TAFA4: variants seen among roughly 807,000 people sequenced by gnomAD.
TAFA4 encodes TAFA chemokine like family member 4, also known as chemokine-like protein TAFA-4.
A neutral mutation model predicts 21.1 loss-of-function variants in TAFA4; 20 were observed. The ratio of observed to expected loss-of-function variants is 0.95; its 90% confidence interval spans 0.67 to 1.38. The LOEUF is 1.38. TAFA4 is among the 40% of genes most tolerant of loss of function. TAFA4 has a pLI of 0.00. For synonymous variants in TAFA4, 71 were observed against 67.4 expected (o/e 1.05, Z -0.26); for missense variants, 211 against 180.9 (o/e 1.17, Z -0.95).
Position 68,924,953 on chromosome 3 carries a change from C to G in TAFA4, c.-123+7287G>C, listed in dbSNP as rs2090093658. ...CAATGAGCTTTCTAAATCTCCTCAG[C>G]TGCATATCAGCACCTAAGCTTTGAG... On this transcript the variant is annotated intron_variant, in intron 1 of 5. Coordinates refer to ENST00000295569, the MANE Select transcript of TAFA4 (RefSeq NM_182522.5). 3.9e-5 allele frequency among the ~76,000 whole-genome samples: 6 copies of G among 152,288 alleles called. No individual in the cohort carries two copies. In the South Asian group the frequency reaches 1.2e-3, roughly 32 times the overall value.
At chr3:68,910,290 C>G (rs970338674) in intron 1 of TAFA4, among the ~76,000 whole-genome samples, 4 of 152,172 alleles carry the variant, frequency 2.6e-5, no homozygotes, top group Non-Finnish European at 5.9e-5. Flanking sequence ...TAGGGGCCCA[C>G]CCTGGTATCT....
At chr3:68,910,202 G>A (rs1025310726) in intron 1 of TAFA4, among the ~76,000 whole-genome samples, 6 of 152,154 alleles carry the variant, frequency 3.9e-5, no homozygotes. Flanking sequence ...TATTCTATTG[G>A]TTAGAAGCAA....
At chr3:68,764,052 C>T (rs72925111) in intron 3 of TAFA4, among the ~76,000 whole-genome samples, 4,468 of 152,102 alleles carry the variant, frequency 0.029, 225 homozygotes, top group African/African-American at 0.1. Context: ...GTGTTATGAA[C>T]GGTACTGAAT....
Position 68,741,724 on chromosome 3 carries a change from G to A in TAFA4, c.287-2525C>T, listed in dbSNP as rs145980124. ...GGAGAATGGTGTGAACCCGGGAGGT[G>A]GAGCTTGCAGTGAGCTGAGATCACG... is the stretch of plus-strand genomic sequence containing the variant. On this transcript the variant is annotated intron_variant, in intron 4 of 5. Coordinates refer to ENST00000295569, the MANE Select transcript of TAFA4 (RefSeq NM_182522.5). 7.4e-3 allele frequency among the ~76,000 whole-genome samples: 1,132 copies of A among 152,178 alleles called. 14 individuals are homozygous for A. The highest frequency in any genetic ancestry group is 0.026 in the African/African-American group (1,098 of 41,506).
intron 4 of TAFA4, among the ~76,000 whole-genome samples, chr3:68,741,116 T>A (rs753539209): frequency 9.2e-5 from 14 of 152,312 alleles, no homozygotes; most frequent in Admixed American, 2.0e-4. Flanking sequence ...CAAAATTGCT[T>A]TAGCTATTTG....
At chr3:68,799,904 G>GC (rs1703537921) in intron 3 of TAFA4, among the ~76,000 whole-genome samples, 1 of 152,008 alleles carries the variant, frequency 6.6e-6, no homozygotes, top group Admixed American at 6.6e-5. Context: ...CCTGAGCTCC[G>GC]CCTCCTGTCA....
At chr3:68,776,425 G>A (rs1481284786) in intron 3 of TAFA4, among the ~76,000 whole-genome samples, 1 of 152,096 alleles carries the variant, frequency 6.6e-6, no homozygotes, top group Non-Finnish European at 1.5e-5. Context: ...GGATAAAGAG[G>A]AACATTTCAT....
intron 3 of TAFA4, among the ~76,000 whole-genome samples, chr3:68,812,639 T>C (rs997130860): frequency 1.3e-5 from 2 of 152,140 alleles, no homozygotes; most frequent in East Asian, 1.9e-4. Flanking sequence ...CCTAAATATA[T>C]ATGCACCCAA....
At chr3:68,871,472 A>T (rs2089482445) in intron 3 of TAFA4, among the ~76,000 whole-genome samples, 1 of 152,130 alleles carries the variant, frequency 6.6e-6, no homozygotes. Flanking sequence ...AAACTATGAA[A>T]CTATTAGAAG....
At chr3:68,890,316 C>A (rs2089717570) in intron 1 of TAFA4, among the ~76,000 whole-genome samples, 1 of 152,148 alleles carries the variant, frequency 6.6e-6, no homozygotes, top group South Asian at 2.1e-4. Context: ...ATGAACTTTT[C>A]ATTAAATTGG....
chr3:68,851,170 G>T (rs1045534886), intron 3 of TAFA4, among the ~76,000 whole-genome samples: 6 of 152,142 alleles, frequency 3.9e-5, no homozygotes, highest in African/African-American at 1.2e-4. Flanking sequence ...CTATAAAAAG[G>T]AATGAGATCA....
At chr3:68,894,844 G>GGTTTTGTTTT (rs371557807) in intron 1 of TAFA4, among the ~76,000 whole-genome samples, 2 of 151,896 alleles carry the variant, frequency 1.3e-5, no homozygotes, top group African/African-American at 4.8e-5. Flanking sequence ...GGGTGTTTTT[G>GGTTTTGTTTT]GTTTTGTTTT....
chr3:68,760,656 A>C (rs1472900968), intron 3 of TAFA4, among the ~76,000 whole-genome samples: 1 of 152,190 alleles, frequency 6.6e-6, no homozygotes, highest in African/African-American at 2.4e-5. Context: ...AGAATAGAGG[A>C]AAGAGAAGGC....
At chr3:68,855,542 A>T (rs994950867) in intron 3 of TAFA4, among the ~76,000 whole-genome samples, 3 of 152,180 alleles carry the variant, frequency 2.0e-5, no homozygotes, top group African/African-American at 7.2e-5. Flanking sequence ...CGCTGCTGAA[A>T]AGAATGAAAC....
intron 4 of TAFA4, among the ~76,000 whole-genome samples, chr3:68,742,143 T>C (rs1464273692): frequency 6.6e-6 from 1 of 152,148 alleles, no homozygotes; most frequent in African/African-American, 2.4e-5. Flanking sequence ...GAAAAATCAT[T>C]TGACCAAATT....
chr3:68,799,165 A>C (rs1182823445), intron 3 of TAFA4, among the ~76,000 whole-genome samples: 1 of 152,176 alleles, frequency 6.6e-6, no homozygotes, highest in Non-Finnish European at 1.5e-5. Flanking sequence ...GTGTTGTCTT[A>C]CCTGGTATCT....
At chr3:68,905,757 C>T (rs113780784) in intron 1 of TAFA4, among the ~76,000 whole-genome samples, 2,325 of 152,236 alleles carry the variant, frequency 0.015, 67 homozygotes, top group African/African-American at 0.053. Flanking sequence ...GAGAAGGGAA[C>T]ATCTGTTATA....
At chr3:68,750,779 G>C (rs760342338) in intron 4 of TAFA4, among the ~76,000 whole-genome samples, 15 of 152,166 alleles carry the variant, frequency 9.9e-5, no homozygotes, top group Non-Finnish European at 1.8e-4. Flanking sequence ...TATAAAAAGA[G>C]TTTGTTAGAA....
At chr3:68,904,876 G>T (rs1006814394) in intron 1 of TAFA4, among the ~76,000 whole-genome samples, 1 of 152,158 alleles carries the variant, frequency 6.6e-6, no homozygotes, top group Admixed American at 6.5e-5. Context: ...TGAGGAAGGT[G>T]GCAAGAGAAT....
Sources: gnomAD v4.1 joint callset for allele counts (sites outside exome capture counted in the v4.1 genomes callset) on GRCh38, gnomAD v4.1.1 for gene constraint, MANE v1.5 for transcripts, NCBI Gene and HGNC (gene_info 2026-07-23, HGNC 2026-07-21) for gene names.